C8orf34: variants seen among roughly 807,000 people sequenced by gnomAD.
C8orf34 encodes uncharacterized protein C8orf34.
A neutral mutation model predicts 68.3 loss-of-function variants in C8orf34; 65 were observed. The ratio of observed to expected loss-of-function variants is 0.95; its 90% CI spans 0.78 to 1.17. The LOEUF (loss-of-function observed/expected upper bound fraction) is 1.17, where lower values mean the gene tolerates loss of function less well. C8orf34 is among the 50% of genes most tolerant of loss of function. The pLI, the probability that C8orf34 is intolerant of heterozygous loss-of-function variation, is 0.00. For missense variants in C8orf34, 664 were observed against 655.4 expected (o/e 1.01, Z -0.14); for synonymous variants, 244 against 241.2 (o/e 1.01, Z -0.11).
At chr8:68,566,892 T>C (rs1816607265) in intron 7 of C8orf34, among the ~76,000 whole-genome samples, 1 of 152,204 alleles carries the variant, frequency 6.6e-6, no homozygotes, top group Admixed American at 6.5e-5. Flanking sequence ...GATGATCATG[T>C]GATTTTTGTT....
chr8:68,738,937 G>A (rs1180318285), intron 10 of C8orf34, among the ~76,000 whole-genome samples: 1 of 152,022 alleles, frequency 6.6e-6, no homozygotes, highest in Non-Finnish European at 1.5e-5. Context: ...ATTCTATGAG[G>A]CCAGCATCAT....
At chr8:68,586,123 G>A (rs79832730) in intron 7 of C8orf34, among the ~76,000 whole-genome samples, 9 of 152,018 alleles carry the variant, frequency 5.9e-5, no homozygotes, top group Admixed American at 5.9e-4. Flanking sequence ...GAAAACAGAG[G>A]AAGATATAGT....
In C8orf34 at chr8:68,685,550, C is replaced by T. The variant is rs116839622; in HGVS notation, c.1242-23444C>T. 3.9e-3 allele frequency among the ~76,000 whole-genome samples: 595 copies of T among 152,140 alleles called. 3 individuals carry two copies. Among genetic ancestry groups the T allele is most frequent in the African/African-American group, 0.013 (549 of 41,532 alleles). ...AGTTGAGGTATGAGTTTGGAAATTG[C>T]TTTAAAAAGCATGTTGATCCAGGGT... On this transcript the variant is annotated intron_variant, in intron 8 of 13. Coordinates refer to ENST00000518698, the MANE Select transcript of C8orf34 (RefSeq NM_052958.4).
At chr8:68,487,889 T>A (rs758060894) in intron 4 of C8orf34, 134 bp from the exon 5 acceptor site, 7 of 581,950 alleles carry the variant, frequency 1.2e-5, no homozygotes, top group Admixed American at 3.7e-5. Flanking sequence ...CCACATTATT[T>A]TGAAGCACTA....
chr8:68,730,980 A>G (rs762492357), intron 10 of C8orf34, among the ~76,000 whole-genome samples: 3 of 152,174 alleles, frequency 2.0e-5, no homozygotes, highest in African/African-American at 4.8e-5. Flanking sequence ...TGCAAATTTC[A>G]TTAGATTGCA....
intron 7 of C8orf34, among the ~76,000 whole-genome samples, chr8:68,615,932 G>T (rs1040118341): frequency 6.6e-6 from 1 of 150,600 alleles, no homozygotes; most frequent in African/African-American, 2.5e-5. Context: ...GACTCTTTTT[G>T]GTTGGTAAGC....
chr8:68,729,168 A>G (rs768198283), intron 10 of C8orf34, among the ~76,000 whole-genome samples: 1 of 152,214 alleles, frequency 6.6e-6, no homozygotes, highest in Non-Finnish European at 1.5e-5. Context: ...TTCTTTTTAC[A>G]AGAAAGAATT....
At chr8:68,486,311 C>G (rs929211003) in intron 4 of C8orf34, among the ~76,000 whole-genome samples, 1 of 152,124 alleles carries the variant, frequency 6.6e-6, no homozygotes, top group Admixed American at 6.5e-5. Context: ...CAGCCCAGCT[C>G]CAATGCCAGC....
At chr8:68,679,678 T>C (rs1820304909) in intron 8 of C8orf34, among the ~76,000 whole-genome samples, 1 of 152,130 alleles carries the variant, frequency 6.6e-6, no homozygotes. Flanking sequence ...AACTCCAAAT[T>C]ATACTACAGG....
chr8:68,489,386 A>G (rs1813214171), intron 5 of C8orf34, among the ~76,000 whole-genome samples: 1 of 152,236 alleles, frequency 6.6e-6, no homozygotes, highest in Admixed American at 6.5e-5. Flanking sequence ...CACCTCATCC[A>G]AAATACTTGG....
chr8:68,519,134 G>A (rs1460749402), intron 5 of C8orf34, among the ~76,000 whole-genome samples: 1 of 152,100 alleles, frequency 6.6e-6, no homozygotes, highest in Non-Finnish European at 1.5e-5. Context: ...AGAAGTGACT[G>A]TTCGAAGTAT....
At chr8:68,427,247 A>G (rs547299196) in intron 1 of C8orf34, among the ~76,000 whole-genome samples, 6 of 152,338 alleles carry the variant, frequency 3.9e-5, no homozygotes, top group African/African-American at 1.4e-4. Context: ...AAATGTTTAT[A>G]GCAACATTAT....
chr8:68,685,321 A>G (rs1388341661), intron 8 of C8orf34, among the ~76,000 whole-genome samples: 3 of 152,154 alleles, frequency 2.0e-5, no homozygotes, highest in African/African-American at 7.2e-5. Flanking sequence ...GAAATGATTA[A>G]AAACAAATAA....
chr8:68,746,500 GA>G (rs1281625766), intron 10 of C8orf34, among the ~76,000 whole-genome samples: 1 of 69,622 alleles, frequency 1.4e-5, no homozygotes, highest in Non-Finnish European at 2.9e-5. Flanking sequence ...AGCTAATAAA[GA>G]AAAAAAGAGA....
chr8:68,633,216 TAG>T (rs1459849030), intron 7 of C8orf34, among the ~76,000 whole-genome samples: 1 of 152,102 alleles, frequency 6.6e-6, no homozygotes, highest in Non-Finnish European at 1.5e-5. Context: ...TGTGACGAAC[TAG>T]ATAGTAAAAG....
chr8:68,444,254 A>G (rs1283396112), intron 2 of C8orf34, among the ~76,000 whole-genome samples: 1 of 151,672 alleles, frequency 6.6e-6, no homozygotes, highest in Non-Finnish European at 1.5e-5. Context: ...TCTTTTTATT[A>G]TTTCTGTACA....
chr8:68,529,135 C>T (rs1043635279), intron 6 of C8orf34, among the ~76,000 whole-genome samples: 5 of 152,210 alleles, frequency 3.3e-5, no homozygotes, highest in African/African-American at 1.2e-4. Context: ...ATTAATTGTT[C>T]TCTGTCTTTC....
rs1823684234 is a variant in C8orf34 at position 68,781,716 on chromosome 8, C to G, written c.1455+5267C>G. On this transcript the variant is annotated intron_variant, in intron 11 of 13. Transcript: ENST00000518698. Reference sequence around the variant, plus strand: ...GAACAGGTGCGTTATATTACTAGCTCTATTCCAGGGAAAACCAAAGTAAAA... The same window carrying G: ...GAACAGGTGCGTTATATTACTAGCTGTATTCCAGGGAAAACCAAAGTAAAA... Among the ~76,000 whole-genome samples the G allele has an allele frequency of 2.0e-5, 3 of 152,140 alleles. No individual in the cohort carries two copies. In the South Asian group the frequency reaches 6.2e-4, roughly 31 times the overall value.
intron 10 of C8orf34, among the ~76,000 whole-genome samples, chr8:68,774,944 TAAAAAAAAA>T (rs1224756627): frequency 2.2e-5 from 1 of 44,686 alleles, no homozygotes; most frequent in Non-Finnish European, 3.8e-5. Flanking sequence ...CTGTCTCCAC[TAAAAAAAAA>T]AAAAAAAAAA....
Sources: allele counts gnomAD v4.1 joint callset (sites outside exome capture counted in the v4.1 genomes callset), GRCh38; gene constraint gnomAD v4.1.1; transcripts MANE v1.5; gene names NCBI Gene and HGNC (gene_info 2026-07-23, HGNC 2026-07-21).